LILRB1: variants seen among roughly 807,000 people sequenced by gnomAD.
The protein encoded by LILRB1 is leukocyte immunoglobulin-like receptor subfamily B member 1.
In LILRB1, 59 loss-of-function variants were observed where a neutral mutation model predicts 74.6. That is an observed-to-expected ratio of 0.79 (90% CI 0.64 to 0.98). The LOEUF is 0.98. LILRB1 is among the 50% of genes least tolerant of loss of function. LILRB1 has a pLI of 0.00. For synonymous variants in LILRB1, 328 were observed against 333.9 expected, an observed-to-expected ratio of 0.98 and a Z score of 0.19; for missense variants, 804 against 822.6, an observed-to-expected ratio of 0.98 and a Z score of 0.28.
chr19:54,626,277 G>GT (rs2063585225), upstream of LILRB1, among the ~76,000 whole-genome samples: 1 of 152,024 alleles, frequency 6.6e-6, no homozygotes, highest in Non-Finnish European at 1.5e-5. Flanking sequence ...AAATTACTTT[G>GT]TATCTATTCT....
Position 54,631,263 on chromosome 19 carries a change from T to C in LILRB1, c.35-8T>C. ...GGGGCAAATCCCTCACCGGGAACTC[T>C]CTTCCAGGGCTGAGTCTGGGCCCCC... On this transcript the variant is annotated splice_region_variant and splice_polypyrimidine_tract_variant and intron_variant, in intron 2 of 14. Coordinates refer to ENST00000324602, the MANE Select transcript of LILRB1 (RefSeq NM_001081637.3). 1 of 1,613,556 alleles carries C rather than the reference T, an allele frequency of 6.2e-7. No individual in the cohort carries two copies. Among genetic ancestry groups the C allele is most frequent in the Non-Finnish European group, 8.5e-7 (1 of 1,179,908 alleles).
In LILRB1 at chr19:54,635,191, C is replaced by G. The variant is rs373309747; in HGVS notation, c.1562+12C>G. ...GGCCTGCAGTGGAGGTAATTCTGCCCGAAGACCCCAGACTCCCACCTGCTC... is the reference window on the plus strand; with the variant it reads ...GGCCTGCAGTGGAGGTAATTCTGCCGGAAGACCCCAGACTCCCACCTGCTC... On this transcript the variant is annotated intron_variant, in intron 11 of 14. Coordinates refer to ENST00000324602, the MANE Select transcript of LILRB1 (RefSeq NM_001081637.3). The G allele has an allele frequency of 3.1e-6, 5 of 1,598,872 alleles. No individual in the cohort carries two copies. The highest frequency in any genetic ancestry group is 4.3e-6 in the Non-Finnish European group (5 of 1,168,708).
Position 54,633,074 on chromosome 19 carries a change from A to G in LILRB1, c.1017A>G (p.Gly339=), listed in dbSNP as rs770315578. ...SVQPGPTVAS[G]ENVTLLCQSQ... Reference sequence around the variant, plus strand: ...AGCCGGGCCCCACGGTGGCCTCAGGAGAGAACGTGACCCTGCTGTGTCAGT... The same window carrying G: ...AGCCGGGCCCCACGGTGGCCTCAGGGGAGAACGTGACCCTGCTGTGTCAGT... The change falls in exon 7 of 15, where the codon GGA becomes GGG. Residue 339 remains glycine (G), a synonymous_variant. Coordinates refer to ENST00000324602, the MANE Select transcript of LILRB1 (RefSeq NM_001081637.3). 9.3e-6 allele frequency: 15 copies of G among 1,614,128 alleles called. No individual in the cohort carries two copies. The highest frequency in any genetic ancestry group is 1.3e-5 in the Non-Finnish European group (15 of 1,180,038).
At chr19:54,623,526 T>G (rs2063505863) in intron 1 of LILRB1, among the ~76,000 whole-genome samples, 1 of 152,234 alleles carries the variant, frequency 6.6e-6, no homozygotes, top group East Asian at 1.9e-4. Flanking sequence ...CATTTCTGAT[T>G]GTGCTTATTT....
In LILRB1 at chr19:54,636,561, G is replaced by C; in HGVS notation, c.1721G>C (p.Arg574Thr). 1.2e-6 allele frequency: 2 copies of C among 1,611,794 alleles called. No homozygotes were observed. The highest frequency in any genetic ancestry group is 1.7e-6 in the Non-Finnish European group (2 of 1,179,784). ...YAEVKHSRPR[R>T]EMASPPSPLS... Reference sequence around the variant, plus strand: ...GAGGTGAAACACTCCAGACCTAGGAGAGAAATGGCCTCTCCTCCTTCCCCA... The same window carrying C: ...GAGGTGAAACACTCCAGACCTAGGACAGAAATGGCCTCTCCTCCTTCCCCA... The change falls in exon 14 of 15, where the codon AGA becomes ACA. Residue 574 changes from arginine (R) to threonine (T), a missense_variant. Arg to Thr is a moderately conservative substitution (Grantham distance 71). Transcript: ENST00000324602.
chr19:54,635,749 T>G (rs1409250356), intron 13 of LILRB1, 140 bp downstream of exon 13: 5 of 1,002,368 alleles, frequency 5.0e-6, no homozygotes, highest in East Asian at 4.8e-5. Context: ...GCCTCCCGCC[T>G]GCTGCGACCT....
chr19:54,632,696 C>G lies in LILRB1; in HGVS notation c.894C>G (p.Tyr298Ter). The change falls in exon 6 of 15, where the codon TAC (tyrosine) becomes TAG (stop). Residue 298 changes from tyrosine to a stop codon, truncating the protein, a stop_gained. Coordinates refer to ENST00000324602, the MANE Select transcript of LILRB1 (RefSeq NM_001081637.3). LOFTEE classifies it high-confidence loss of function. ...SRSYGGQYRC[Y>*]GAHNLSSEWS... ...CCTACGGGGGCCAGTACAGATGCTACGGTGCACACAACCTCTCCTCCGAGT... is the reference window on the plus strand; with the variant it reads ...CCTACGGGGGCCAGTACAGATGCTAGGGTGCACACAACCTCTCCTCCGAGT... 5.0e-6 allele frequency: 8 copies of G among 1,612,990 alleles called. No individual in the cohort carries two copies. Among genetic ancestry groups the G allele is most frequent in the Non-Finnish European group, 6.8e-6 (8 of 1,179,982 alleles).
intron 13 of LILRB1, chr19:54,636,197 C>G (rs532642618): frequency 1.7e-5 from 10 of 573,354 alleles, no homozygotes; most frequent in South Asian, 8.0e-5. Flanking sequence ...GTGGGGCACA[C>G]GATCCTCTGA....
At chr19:54,618,657 A>G (rs574353911) in intron 1 of LILRB1, among the ~76,000 whole-genome samples, 3 of 152,236 alleles carry the variant, frequency 2.0e-5, no homozygotes, top group Non-Finnish European at 4.4e-5. Flanking sequence ...AGCCCAAAAC[A>G]GAATGATCTT....
Position 54,633,134 on chromosome 19 carries a change from G to A in LILRB1, c.1077G>A (p.Lys359=). 1 of 1,614,284 alleles carries A rather than the reference G, an allele frequency of 6.2e-7. No individual in the cohort carries two copies. The highest frequency in any genetic ancestry group is 1.1e-5 in the South Asian group (1 of 91,092). Residue 359 remains lysine, a synonymous_variant, in exon 7 of 15, where the codon AAG becomes AAA. Coordinates refer to ENST00000324602, the MANE Select transcript of LILRB1 (RefSeq NM_001081637.3). ...QGWMQTFLLT[K]EGAADDPWRL... ...GGATGCAAACTTTCCTTCTGACCAA[G>A]GAGGGGGCAGCTGATGACCCATGGC...
chr19:54,622,736 C>T (rs2063486512), intron 1 of LILRB1, among the ~76,000 whole-genome samples: 1 of 152,140 alleles, frequency 6.6e-6, no homozygotes, highest in Non-Finnish European at 1.5e-5. Flanking sequence ...GAGTGGACAT[C>T]CTTATCCTGT....
chr19:54,633,590 C>T, intron 7 of LILRB1, 48 bp from the exon 8 acceptor site: 1 of 1,577,036 alleles, frequency 6.3e-7, no homozygotes, highest in Non-Finnish European at 8.6e-7. Flanking sequence ...GAGGTGGAGA[C>T]TTCAGGAAAG....
intron 10 of LILRB1, 44 bp downstream of exon 10, chr19:54,634,807 G>A (rs2064252240): frequency 1.2e-6 from 2 of 1,606,004 alleles, no homozygotes; most frequent in Non-Finnish European, 1.7e-6. Flanking sequence ...CCGAGGGTGG[G>A]CTCAGGGCAC....
At chr19:54,631,349 G>A in intron 3 of LILRB1, 43 bp downstream of exon 3, 2 of 1,613,552 alleles carry the variant, frequency 1.2e-6, no homozygotes, top group Non-Finnish European at 8.5e-7. Context: ...CTCCTCACTG[G>A]GGACAAGGGG....
At chr19:54,636,258 A>C (rs2064407962) in intron 13 of LILRB1, 3 of 750,430 alleles carry the variant, frequency 4.0e-6, no homozygotes, top group East Asian at 2.8e-5. Flanking sequence ...GCCCCCAGGC[A>C]GCAGCGAGCT....
At chr19:54,625,661 G>C (rs185371368), upstream of LILRB1, among the ~76,000 whole-genome samples, 647 of 141,486 alleles carry the variant, frequency 4.6e-3, 3 homozygotes, top group African/African-American at 0.017. Context: ...CCCCTTCCCC[G>C]TGTTAGGGAC....
Position 54,636,566 on chromosome 19 carries a change from A to C in LILRB1, c.1726A>C (p.Met576Leu), listed in dbSNP as rs2064443574. Reference sequence around the variant, plus strand: ...GAAACACTCCAGACCTAGGAGAGAAATGGCCTCTCCTCCTTCCCCACTGTC... The same window carrying C: ...GAAACACTCCAGACCTAGGAGAGAACTGGCCTCTCCTCCTTCCCCACTGTC... ...EVKHSRPRREMASPPSPLSGE... is the reference protein window; with the variant it reads ...EVKHSRPRRELASPPSPLSGE... The change falls in exon 14 of 15, where the codon ATG becomes CTG. Residue 576 changes from methionine (M) to leucine (L), a missense_variant. Met to Leu is a conservative substitution (Grantham distance 15). Coordinates refer to ENST00000324602, the MANE Select transcript of LILRB1 (RefSeq NM_001081637.3). 1 of 1,611,628 alleles carries C rather than the reference A, an allele frequency of 6.2e-7. No homozygotes were observed. The highest frequency in any genetic ancestry group is 8.5e-7 in the Non-Finnish European group (1 of 1,179,766).
At position 54,637,910 on chromosome 19, in the gene LILRB1, A is replaced by G. The variant is rs2064562319; in HGVS notation, c.*1032A>G. ...AATATTCTAAACTGGAGTTTACATAATGAACATAAGAGTAATCAGAGAATC... is the reference window on the plus strand; with the variant it reads ...AATATTCTAAACTGGAGTTTACATAGTGAACATAAGAGTAATCAGAGAATC... On this transcript the variant is annotated 3_prime_UTR_variant, in exon 15 of 15. Coordinates refer to ENST00000324602, the MANE Select transcript of LILRB1 (RefSeq NM_001081637.3). 6.6e-6 allele frequency among the ~76,000 whole-genome samples: 1 copy of G among 152,222 alleles called. No homozygotes were observed. The highest frequency in any genetic ancestry group is 1.9e-4 in the East Asian group (1 of 5,206).
chr19:54,633,874 G>T lies in LILRB1; in HGVS notation c.1313-97G>T, dbSNP rs1231841813. ...GGCTGGTGAGGGGTGGGGGGTCAAGGCAGAGAGAAATGTTGGGGCCCAGCC... is the reference window on the plus strand; with the variant it reads ...GGCTGGTGAGGGGTGGGGGGTCAAGTCAGAGAGAAATGTTGGGGCCCAGCC... On this transcript the variant is annotated intron_variant, in intron 8 of 14. Transcript: ENST00000324602. 8 of 1,504,284 alleles carry T rather than the reference G, an allele frequency of 5.3e-6. No individual in the cohort carries two copies. The East Asian group carries it at 2.0e-4, about 37-fold the overall frequency. 93.2% of individuals were successfully genotyped at this position (1,504,284 alleles called of 1,614,324 possible).
Sources: gnomAD v4.1 joint callset for allele counts (sites outside exome capture counted in the v4.1 genomes callset) on GRCh38, gnomAD v4.1.1 for gene constraint, MANE v1.5 for transcripts, NCBI Gene and HGNC (gene_info 2026-07-23, HGNC 2026-07-21) for gene names.